The following COQ5 variants were observed in gnomAD, a reference collection of about 807,000 sequenced individuals.
COQ5 encodes the protein coenzyme Q5, methyltransferase.
COQ5 carries 27 observed loss-of-function variants against 40.5 expected under a neutral mutation model. That is an observed-to-expected ratio of 0.67 (90% CI 0.49 to 0.92). The LOEUF (loss-of-function observed/expected upper bound fraction) is 0.92. COQ5 is among the 40% of genes least tolerant of loss of function. The pLI, the probability that COQ5 is intolerant of heterozygous loss-of-function variation, is 0.00. For missense variants in COQ5, 409 were observed against 406.4 expected (o/e 1.01, Z -0.06); for synonymous variants, 141 against 150.0 (o/e 0.94, Z 0.44).
intron 3 of COQ5, among the ~76,000 whole-genome samples, chr12:120,512,028 G>A (rs972321761): frequency 2.6e-5 from 4 of 151,778 alleles, no homozygotes; most frequent in Non-Finnish European, 4.4e-5. Flanking sequence ...GGGCTAACAC[G>A]GTGAAACCCC....
Position 120,503,430 on chromosome 12 carries a change from T to G in COQ5, c.*354A>C. On this transcript the variant is annotated 3_prime_UTR_variant, in exon 7 of 7. Transcript: ENST00000288532. ...ATTGTCATTGGGTTCAAATGATCTA[T>G]CATCCCTCTAGAAGGCAGCACCAGC... is the stretch of plus-strand genomic sequence containing the variant. 2.5e-6 allele frequency: 1 copy of G among 399,452 alleles called. No individual in the cohort carries two copies. The highest frequency in any genetic ancestry group is 4.9e-6 in the Non-Finnish European group (1 of 205,666). The allele number at this position is 399,452 out of a possible 1,614,324, so 24.7% of individuals were successfully genotyped here.
chr12:120,509,779 C>CT, intron 4 of COQ5: 1 of 428,446 alleles, frequency 2.3e-6, no homozygotes. Flanking sequence ...ATCTATCTCT[C>CT]TCTCTCTCTC....
At chr12:120,520,774 A>T (rs1020415566) in intron 2 of COQ5, among the ~76,000 whole-genome samples, 3 of 152,014 alleles carry the variant, frequency 2.0e-5, no homozygotes, top group Non-Finnish European at 4.4e-5. Context: ...GTAATTTAAC[A>T]TGTACGATGA....
intron 4 of COQ5, among the ~76,000 whole-genome samples, 196 bp from the exon 5 acceptor site, chr12:120,505,179 G>A (rs1468814501): frequency 6.6e-6 from 1 of 152,134 alleles, no homozygotes; most frequent in Non-Finnish European, 1.5e-5. Context: ...TTCTGCTGCC[G>A]GTGACTAGAC....
rs780459240 is a variant in COQ5 at position 120,522,257 on chromosome 12, G to A, written c.309C>T (p.His103=). 3 of 1,614,124 alleles carry A rather than the reference G, an allele frequency of 1.9e-6. No homozygotes were observed. The highest frequency in any genetic ancestry group is 1.1e-5 in the South Asian group (1 of 91,082). ...VWKDLLLWKM[H]PLPGTQLLDV... ...CAAGCAGCTGGGTCCCAGGAAGCGGGTGCATCTTCCAGAGCAGCAAATCCT... is the reference window on the plus strand; with the variant it reads ...CAAGCAGCTGGGTCCCAGGAAGCGGATGCATCTTCCAGAGCAGCAAATCCT... The change falls in exon 2 of 7, where the codon CAC becomes CAT. Residue 103 remains histidine, a synonymous_variant. Coordinates refer to ENST00000288532, the MANE Select transcript of COQ5 (RefSeq NM_032314.4).
chr12:120,519,700 G>A (rs898636509), intron 2 of COQ5, among the ~76,000 whole-genome samples: 14 of 151,958 alleles, frequency 9.2e-5, no homozygotes, highest in Admixed American at 2.0e-4. Context: ...GAGAAACTCC[G>A]TCTCTACTAA....
intron 2 of COQ5, among the ~76,000 whole-genome samples, chr12:120,520,366 C>T (rs1869587782): frequency 6.6e-6 from 1 of 151,180 alleles, no homozygotes; most frequent in African/African-American, 2.4e-5. Context: ...CGCTCTGTTG[C>T]CCAGGCTGGA....
At chr12:120,524,774 G>A (rs980775556) in intron 1 of COQ5, among the ~76,000 whole-genome samples, 25 of 151,682 alleles carry the variant, frequency 1.6e-4, no homozygotes, top group Admixed American at 5.9e-4. Context: ...AAACTTCAAC[G>A]CCTATTCTCA....
rs61584250 is a variant in COQ5 at position 120,526,698 on chromosome 12, A to ATTTTTTTTTTT, written c.202+2231_202+2241dup. 2.1e-3 allele frequency among the ~76,000 whole-genome samples: 133 copies of ATTTTTTTTTTT among 64,152 alleles called. 20 individuals carry two copies. The highest frequency in any genetic ancestry group is 2.9e-3 in the African/African-American group (35 of 12,194). The allele number at this position is 64,152 out of a possible 152,430, so 42.1% of individuals were successfully genotyped here. On this transcript the variant is annotated intron_variant, in intron 1 of 6. Coordinates refer to ENST00000288532, the MANE Select transcript of COQ5 (RefSeq NM_032314.4). ...AATAGTGCTCAAACTACTCTTGGCA[A>ATTTTTTTTTTT]TTTTTTTTTTTTTTTTTTTTTTTTT... is the stretch of plus-strand genomic sequence containing the variant.
At chr12:120,513,368 G>A (rs1292719186) in intron 3 of COQ5, among the ~76,000 whole-genome samples, 12 of 150,984 alleles carry the variant, frequency 7.9e-5, no homozygotes, top group Non-Finnish European at 1.3e-4. Flanking sequence ...CGGGCGTGGC[G>A]GCATGTGCCT....
chr12:120,524,485 C>T (rs1223295276), intron 1 of COQ5, among the ~76,000 whole-genome samples: 1 of 152,204 alleles, frequency 6.6e-6, no homozygotes, highest in East Asian at 1.9e-4. Context: ...TGGTCTCGAT[C>T]TCCTGACCTC....
At position 120,529,111 on chromosome 12, in the gene COQ5, T is replaced by TC; in HGVS notation, c.30dup (p.Ser11GlufsTer21). On this transcript the variant is annotated frameshift_variant, in exon 1 of 7. Coordinates refer to ENST00000288532, the MANE Select transcript of COQ5 (RefSeq NM_032314.4). LOFTEE classifies it high-confidence loss of function. ...CGCGACCACCCACGGCCGCAATAGC[T>TC]CCATAGAGCACAGCTCCCGGGGGCC... 6.2e-7 allele frequency: 1 copy of TC among 1,613,780 alleles called. No individual in the cohort carries two copies. Among genetic ancestry groups the TC allele is most frequent in the Non-Finnish European group, 8.5e-7 (1 of 1,179,928 alleles).
Position 120,503,877 on chromosome 12 carries a change from G to C in COQ5, c.891C>G (p.Phe297Leu). The C allele has an allele frequency of 6.2e-7, 1 of 1,613,720 alleles. No individual in the cohort carries two copies. The highest frequency in any genetic ancestry group is 1.3e-5 in the African/African-American group (1 of 75,046). ...AGCCTGCATCTTCTATCATGTCCTT[G>C]AACTCTTCCTGAAACACAAGGAAAG... The part of the protein sequence containing the change: ...SIRRFPSQEE[F>L]KDMIEDAGFH... Residue 297 changes from phenylalanine (F) to leucine (L), a missense_variant, in exon 7 of 7, where the codon TTC (phenylalanine) becomes TTG (leucine). Coordinates refer to ENST00000288532, the MANE Select transcript of COQ5 (RefSeq NM_032314.4).
At chr12:120,513,662 G>A (rs1362492067) in intron 3 of COQ5, among the ~76,000 whole-genome samples, 1 of 151,404 alleles carries the variant, frequency 6.6e-6, no homozygotes, top group Non-Finnish European at 1.5e-5. Context: ...TGGGATTACA[G>A]GCGCGCACCA....
Position 120,503,758 on chromosome 12 carries a change from G to C in COQ5, c.*26C>G, listed in dbSNP as rs567799009. ...CCAGGCTTTCAACAGGATATGACTG[G>C]TTCATGCTCCATGATAGGAAAGGAA... is the stretch of plus-strand genomic sequence containing the variant. On this transcript the variant is annotated 3_prime_UTR_variant, in exon 7 of 7. Coordinates refer to ENST00000288532, the MANE Select transcript of COQ5 (RefSeq NM_032314.4). The C allele has an allele frequency of 6.5e-7, 1 of 1,547,586 alleles. No homozygotes were observed. The highest frequency in any genetic ancestry group is 8.9e-7 in the Non-Finnish European group (1 of 1,119,502).
At chr12:120,519,483 C>T (rs1869541460) in intron 2 of COQ5, among the ~76,000 whole-genome samples, 1 of 152,134 alleles carries the variant, frequency 6.6e-6, no homozygotes, top group African/African-American at 2.4e-5. Flanking sequence ...TCACTTTAAC[C>T]CAGGAGGCGG....
intron 1 of COQ5, chr12:120,526,389 A>G (rs1869944932): frequency 6.9e-6 from 3 of 435,182 alleles, no homozygotes; most frequent in South Asian, 5.0e-5. Flanking sequence ...CTGTGGGAAT[A>G]TTGACACTGC....
intron 3 of COQ5, among the ~76,000 whole-genome samples, chr12:120,515,090 G>C (rs1428346760): frequency 6.6e-6 from 1 of 150,668 alleles, no homozygotes; most frequent in Non-Finnish European, 1.5e-5. Context: ...ACCACGCCTG[G>C]CCAAATTTGC....
rs571789256 is a variant in COQ5, at chr12:120,526,654, A to G, written c.202+2286T>C. Reference sequence around the variant, plus strand: ...TGCCAAGGCATAGAAAAGATATTTCATACGACAAGAAGGTGGCAAATAGTG... The same window carrying G: ...TGCCAAGGCATAGAAAAGATATTTCGTACGACAAGAAGGTGGCAAATAGTG... On this transcript the variant is annotated intron_variant, in intron 1 of 6. Coordinates refer to ENST00000288532, the MANE Select transcript of COQ5 (RefSeq NM_032314.4). The G allele has an allele frequency of 2.2e-3, 614 of 274,176 alleles. 9 individuals carry two copies. The highest frequency in any genetic ancestry group is 0.013 in the African/African-American group (561 of 43,214). 17.0% of individuals were successfully genotyped at this position (274,176 alleles called of 1,614,324 possible).
Sources: gnomAD v4.1 joint callset for allele counts (sites outside exome capture counted in the v4.1 genomes callset) on GRCh38, gnomAD v4.1.1 for gene constraint, MANE v1.5 for transcripts, NCBI Gene and HGNC (gene_info 2026-07-23, HGNC 2026-07-21) for gene names.